The following SPTBN5 variants were observed in gnomAD, a reference collection of about 807,000 sequenced individuals.
SPTBN5 encodes the protein spectrin beta chain, non-erythrocytic 5.
SPTBN5 carries 513 observed loss-of-function variants against 477.6 expected under a neutral mutation model. That is an observed-to-expected ratio of 1.07 (90% CI 1.00 to 1.16). The LOEUF (loss-of-function observed/expected upper bound fraction) is 1.16, where lower values mean the gene tolerates loss of function less well. SPTBN5 is among the 50% of genes most tolerant of loss of function. The pLI, the probability that SPTBN5 is intolerant of heterozygous loss-of-function variation, is 0.00. For synonymous variants in SPTBN5, 2,169 were observed against 2,011.7 expected, an observed-to-expected ratio of 1.08 and a Z score of -2.09; for missense variants, 5,062 against 4,731.8, an observed-to-expected ratio of 1.07 and a Z score of -2.05.
intron 47 of SPTBN5, 120 bp downstream of exon 47, chr15:41,860,466 T>G (rs2066068101): frequency 8.6e-7 from 1 of 1,161,046 alleles, no homozygotes. Flanking sequence ...CTGACCTCAG[T>G]CCTTGGACAA....
rs1187068324 is a variant in SPTBN5 at position 41,885,772 on chromosome 15, G to A, written c.1483C>T (p.Gln495Ter). The A allele has an allele frequency of 9.6e-6, 15 of 1,557,404 alleles. No individual in the cohort carries two copies. Among genetic ancestry groups the A allele is most frequent in the Non-Finnish European group, 1.2e-5 (14 of 1,150,696 alleles). The change falls in exon 7 of 68, where the codon CAG becomes TAG. Residue 495 changes from glutamine to a stop codon, truncating the protein, a stop_gained. Transcript: ENST00000320955. LOFTEE classifies it high-confidence loss of function. ...ALAEIADILR[Q>*]EQYHSWADVA... The stretch of plus-strand genomic sequence containing the variant: ...TCTGCCCAGCTGTGGTACTGCTCCT[G>A]CCGGAGGATGTCTGCGATCTCAGCC...
chr15:41,866,660 C>T, intron 36 of SPTBN5, 167 bp from the exon 37 acceptor site: 3 of 884,064 alleles, frequency 3.4e-6, no homozygotes, highest in Non-Finnish European at 4.9e-6. Context: ...CTGCAGGAGG[C>T]AGCCGGGCAG....
In SPTBN5 at chr15:41,882,571, C is replaced by G; in HGVS notation, c.2046+14G>C. 1 of 1,587,076 alleles carries G rather than the reference C, an allele frequency of 6.3e-7. No homozygotes were observed. Among genetic ancestry groups the G allele is most frequent in the Non-Finnish European group, 8.6e-7 (1 of 1,169,054 alleles). ...GGCGCTGGCGACCGGCGGGCGCGCT[C>G]GGGGAGCTGACACCTTGTGTTTCTG... On this transcript the variant is annotated intron_variant, in intron 10 of 67. Coordinates refer to ENST00000320955, the MANE Select transcript of SPTBN5 (RefSeq NM_016642.4).
In SPTBN5 at chr15:41,857,310, G is replaced by C. The variant is rs2065954611; in HGVS notation, c.8549C>G (p.Ala2850Gly). The C allele has an allele frequency of 1.3e-6, 2 of 1,567,398 alleles. No homozygotes were observed. The highest frequency in any genetic ancestry group is 1.9e-5 in the Admixed American group (1 of 53,014). ...GTGGCCTTCCCTCACAAAGGCCTGG[G>C]CCTGGCCCAGCAGTGCCTCAGCCTG... is the stretch of plus-strand genomic sequence containing the variant. ...ARQAEALLGQ[A>G]QAFVREGHCL... Residue 2850 changes from alanine to glycine, a missense_variant, in exon 51 of 68, where the codon GCC (alanine) becomes GGC (glycine). By Grantham distance (60) the Ala-to-Gly change is moderately conservative. Coordinates refer to ENST00000320955, the MANE Select transcript of SPTBN5 (RefSeq NM_016642.4).
chr15:41,849,151 A>T (rs1205489328), intron 67 of SPTBN5, among the ~76,000 whole-genome samples: 1 of 152,090 alleles, frequency 6.6e-6, no homozygotes, highest in Admixed American at 6.5e-5. Context: ...TCCCTCCTCC[A>T]CTTTCACCTA....
At chr15:41,859,560 G>C (rs756695207) in intron 47 of SPTBN5, among the ~76,000 whole-genome samples, 4 of 152,142 alleles carry the variant, frequency 2.6e-5, no homozygotes, top group African/African-American at 7.2e-5. Context: ...CATATGGGTG[G>C]GTCCTAATCC....
At chr15:41,880,137 G>A (rs1354840215) in intron 14 of SPTBN5, 23 bp downstream of exon 14, 2 of 1,557,462 alleles carry the variant, frequency 1.3e-6, no homozygotes, top group African/African-American at 1.4e-5. Flanking sequence ...CGAGGAGGAG[G>A]TGCCAAGCTC....
chr15:41,879,153 C>A, intron 16 of SPTBN5, 107 bp downstream of exon 16: 1 of 1,369,618 alleles, frequency 7.3e-7, no homozygotes, highest in Non-Finnish European at 9.8e-7. Context: ...GCCCTCCTAC[C>A]TGTTGTCTCC....
At position 41,877,352 on chromosome 15, in the gene SPTBN5, G is replaced by C. The variant is rs1482273185; in HGVS notation, c.3475C>G (p.Gln1159Glu). 2 of 1,606,630 alleles carry C rather than the reference G, an allele frequency of 1.2e-6. No individual in the cohort carries two copies. Among genetic ancestry groups the C allele is most frequent in the Admixed American group, 3.4e-5 (2 of 59,152 alleles). The change falls in exon 18 of 68, where the codon CAG becomes GAG. Residue 1159 changes from glutamine (Q) to glutamate (E), a missense_variant. Gln to Glu is a conservative substitution (Grantham distance 29). Transcript: ENST00000320955. Reference protein sequence around the residue: ...EEIHLWQERLQQLDAQSQPMA... With the variant: ...EEIHLWQERLEQLDAQSQPMA... ...GGCTGGCTCTGAGCGTCCAGCTGCT[G>C]CAGCCTGACCAGGATGACAGGCAGA...
chr15:41,886,116 T>C lies in SPTBN5; in HGVS notation c.1139A>G (p.Gln380Arg), dbSNP rs761065067. The change falls in exon 7 of 68, where the codon CAG becomes CGG. Residue 380 changes from glutamine (Q) to arginine (R), a missense_variant. Transcript: ENST00000320955. ...ATGAGGCAGGAAGGGCCTGCGGTTCTGGGCTTGGAGTGCTGTCTGTAGCCG... is the reference window on the plus strand; with the variant it reads ...ATGAGGCAGGAAGGGCCTGCGGTTCCGGGCTTGGAGTGCTGTCTGTAGCCG... ...LFRLQTALQA[Q>R]NRRPFLPHEG... 1 of 1,610,670 alleles carries C rather than the reference T, an allele frequency of 6.2e-7. No homozygotes were observed. The highest frequency in any genetic ancestry group is 1.1e-5 in the South Asian group (1 of 90,952).
intron 19 of SPTBN5, 63 bp downstream of exon 19, chr15:41,876,746 C>T (rs1172863524): frequency 5.0e-6 from 8 of 1,605,612 alleles, no homozygotes; most frequent in South Asian, 2.2e-5. Context: ...AGCCCTAGGG[C>T]GGCCGTCTGT....
chr15:41,861,863 G>C lies in SPTBN5; in HGVS notation c.7609C>G (p.Leu2537Val), dbSNP rs369339079. Reference sequence around the variant, plus strand: ...GAGCTGAAGGGGTGCCCCGCTGTGAGCAGTTGCTGCCCAGTGCTTCGGGCC... The same window carrying C: ...GAGCTGAAGGGGTGCCCCGCTGTGACCAGTTGCTGCCCAGTGCTTCGGGCC... ...SLARSTGQQL[L>V]TAGHPFSSDI... is the part of the protein sequence containing the mutation. The change falls in exon 45 of 68, where the codon CTC (leucine) becomes GTC (valine). Residue 2537 changes from leucine to valine, a missense_variant. Coordinates refer to ENST00000320955, the MANE Select transcript of SPTBN5 (RefSeq NM_016642.4). 2.5e-5 allele frequency: 40 copies of C among 1,608,388 alleles called. No individual in the cohort carries two copies. The highest frequency in any genetic ancestry group is 3.4e-5 in the Non-Finnish European group (40 of 1,179,558).
intron 56 of SPTBN5, 98 bp downstream of exon 56, chr15:41,854,684 G>T: frequency 2.8e-6 from 3 of 1,054,326 alleles, no homozygotes; most frequent in Non-Finnish European, 4.0e-6. Context: ...AGCAGGGTGT[G>T]TGTCTTGTTG....
rs747741757 is a variant in SPTBN5 at position 41,850,923 on chromosome 15, C to G, written c.10852G>C (p.Glu3618Gln). The change falls in exon 66 of 68, where the codon GAG becomes CAG. Residue 3618 changes from glutamate (E) to glutamine (Q), a missense_variant. Coordinates refer to ENST00000320955, the MANE Select transcript of SPTBN5 (RefSeq NM_016642.4). ...TFSLRLTSGA[E>Q]ILFAAPSEEQ... is the part of the protein sequence containing the mutation. ...TCGGACGGTGCTGCAAACAGGATCT[C>G]TGCCCCACTGGTCAGCCTGGCACCC... is the stretch of plus-strand genomic sequence containing the variant. 12 of 1,596,342 alleles carry G rather than the reference C, an allele frequency of 7.5e-6. No homozygotes were observed. The highest frequency in any genetic ancestry group is 9.4e-6 in the Non-Finnish European group (11 of 1,174,714).
In SPTBN5 at chr15:41,883,494, A is replaced by G. The variant is rs1322744695; in HGVS notation, c.1521-8T>C. 6.2e-7 allele frequency: 1 copy of G among 1,613,098 alleles called. No individual in the cohort carries two copies. Among genetic ancestry groups the G allele is most frequent in the African/African-American group, 1.3e-5 (1 of 74,906 alleles). On this transcript the variant is annotated splice_polypyrimidine_tract_variant and splice_region_variant and intron_variant, in intron 7 of 67. Coordinates refer to ENST00000320955, the MANE Select transcript of SPTBN5 (RefSeq NM_016642.4). ...ACGGTAACTTCCTCCTGCCTAGAGG[A>G]TATGAGAATAAGGGAGATCTCCTCT...
rs1379078932 is a variant in SPTBN5 at position 41,883,165 on chromosome 15, G to A, written c.1723C>T (p.His575Tyr). 4 of 1,612,738 alleles carry A rather than the reference G, an allele frequency of 2.5e-6. No individual in the cohort carries two copies. Among genetic ancestry groups the A allele is most frequent in the Non-Finnish European group, 8.5e-7 (1 of 1,179,810 alleles). ...GAGACTTGAGCCTCCAGCAGGTCATGCCTCTGCAGCAGCTCCACCACTTCT... is the reference window on the plus strand; with the variant it reads ...GAGACTTGAGCCTCCAGCAGGTCATACCTCTGCAGCAGCTCCACCACTTCT... ...LAEVVELLQR[H>Y]DLLEAQVSAH... is the part of the protein sequence containing the mutation. Residue 575 changes from histidine to tyrosine, a missense_variant, in exon 9 of 68, where the codon CAT becomes TAT. By Grantham distance (83) the His-to-Tyr change is moderately conservative (BLOSUM62 2). Transcript: ENST00000320955.
chr15:41,850,098 G>A (rs552187860), intron 66 of SPTBN5, 139 bp from the exon 67 acceptor site: 36 of 729,334 alleles, frequency 4.9e-5, no homozygotes, highest in Non-Finnish European at 8.0e-5. Flanking sequence ...TCCCACGTGG[G>A]GGTGTGGGGC....
chr15:41,862,381 A>C, intron 43 of SPTBN5, 89 bp from the exon 44 acceptor site: 1 of 1,519,018 alleles, frequency 6.6e-7, no homozygotes, highest in Non-Finnish European at 8.8e-7. Context: ...AATCCCCTCA[A>C]CCACAGGAGG....
chr15:41,881,311 C>A lies in SPTBN5; in HGVS notation c.2458-77G>T. ...GCTTTGGCCAGGCCACCCCTACCTC[C>A]GTGCCCTGAGACCTGGAGGCGCTGA... is the stretch of plus-strand genomic sequence containing the variant. On this transcript the variant is annotated intron_variant, in intron 12 of 67. Coordinates refer to ENST00000320955, the MANE Select transcript of SPTBN5 (RefSeq NM_016642.4). The A allele has an allele frequency of 3.9e-6, 5 of 1,266,998 alleles. No individual in the cohort carries two copies. The South Asian group carries it at 7.3e-5, about 19-fold the overall frequency. 78.5% of individuals were successfully genotyped at this position (1,266,998 alleles called of 1,614,324 possible).
Sources: gnomAD v4.1 joint callset for allele counts (sites outside exome capture counted in the v4.1 genomes callset) on GRCh38, gnomAD v4.1.1 for gene constraint, MANE v1.5 for transcripts, NCBI Gene and HGNC (gene_info 2026-07-23, HGNC 2026-07-21) for gene names.